SIAH3: variants seen among roughly 807,000 people sequenced by gnomAD.
SIAH3 encodes seven in absentia homolog 3.
Under a neutral mutation model 12.6 loss-of-function variants are expected in SIAH3, and 9 were observed. The observed-to-expected ratio is 0.72, with a 90% CI of 0.43 to 1.25. The LOEUF is 1.25. Ranked by LOEUF, SIAH3 falls within the 50% of genes most tolerant of loss-of-function variation. The pLI is 0.00. For synonymous variants in SIAH3, 154 were observed against 151.1 expected, an observed-to-expected ratio of 1.02 and a Z score of -0.14; for missense variants, 390 against 365.4, an observed-to-expected ratio of 1.07 and a Z score of -0.55.
At chr13:45,808,044 A>G (rs1950603798) in intron 1 of SIAH3, among the ~76,000 whole-genome samples, 1 of 152,228 alleles carries the variant, frequency 6.6e-6, no homozygotes, top group African/African-American at 2.4e-5. Context: ...TATGGTAGAA[A>G]TACTAAAAAC....
At chr13:45,821,084 C>T (rs1483772647) in intron 1 of SIAH3, among the ~76,000 whole-genome samples, 1 of 152,162 alleles carries the variant, frequency 6.6e-6, no homozygotes, top group African/African-American at 2.4e-5. Flanking sequence ...CAGACGTGAC[C>T]TTATTTGAAG....
chr13:45,829,630 A>G (rs1950691336), intron 1 of SIAH3, among the ~76,000 whole-genome samples: 1 of 152,136 alleles, frequency 6.6e-6, no homozygotes, highest in South Asian at 2.1e-4. Flanking sequence ...AACACTTGCT[A>G]CATCATGGAA....
chr13:45,796,361 T>C (rs1171410865), intron 1 of SIAH3, among the ~76,000 whole-genome samples: 1 of 151,982 alleles, frequency 6.6e-6, no homozygotes, highest in Non-Finnish European at 1.5e-5. Flanking sequence ...TCAAGAACCC[T>C]AGGGGGTCTT....
Position 45,798,108 on chromosome 13 carries a change from C to T in SIAH3, c.136-14051G>A, listed in dbSNP as rs1348310716. On this transcript the variant is annotated intron_variant, in intron 1 of 1. Transcript: ENST00000400405. ...TCTTTCTTTTAACAGTATTTAAATT[C>T]ATTTGTTAAGGGAGAGCTTCGCTTT... 2.0e-5 allele frequency among the ~76,000 whole-genome samples: 3 copies of T among 152,152 alleles called. No individual in the cohort carries two copies. In the East Asian group the frequency reaches 5.8e-4, roughly 29 times the overall value.
intron 1 of SIAH3, among the ~76,000 whole-genome samples, chr13:45,804,368 T>C (rs1457701422): frequency 1.3e-5 from 2 of 152,106 alleles, no homozygotes; most frequent in Admixed American, 1.3e-4. Context: ...CTGTCCAGAA[T>C]AGGCAAATGC....
intron 1 of SIAH3, among the ~76,000 whole-genome samples, chr13:45,839,102 C>T (rs536858913): frequency 2.6e-5 from 4 of 151,978 alleles, no homozygotes; most frequent in South Asian, 2.1e-4. Context: ...AGAGTATGGC[C>T]GCTAATGAGA....
intron 1 of SIAH3, among the ~76,000 whole-genome samples, chr13:45,784,934 C>T (rs562906612): frequency 6.6e-6 from 1 of 152,314 alleles, no homozygotes; most frequent in East Asian, 1.9e-4. Context: ...GATACTGTGT[C>T]TTTTGGTGTG....
intron 1 of SIAH3, among the ~76,000 whole-genome samples, chr13:45,828,964 CA>C (rs1371446494): frequency 6.6e-6 from 1 of 151,560 alleles, no homozygotes; most frequent in African/African-American, 2.4e-5. Context: ...AGAAAAACTG[CA>C]TTTAAAAAAA....
rs573414739 is a variant in SIAH3 at position 45,802,945 on chromosome 13, G to A, written c.136-18888C>T. Among the ~76,000 whole-genome samples, 32 of 152,232 alleles carry A rather than the reference G, an allele frequency of 2.1e-4. 1 individual carries two copies. Among genetic ancestry groups the A allele is most frequent in the Admixed American group, 5.2e-4 (8 of 15,294 alleles). On this transcript the variant is annotated intron_variant, in intron 1 of 1. Transcript: ENST00000400405. ...AAATTAGCTGGGCGTGGTGGCGGCC[G>A]CCTATAATCCCAGCTACTCAAGAGG...
At chr13:45,810,838 T>C (rs1387738398) in intron 1 of SIAH3, among the ~76,000 whole-genome samples, 1 of 152,020 alleles carries the variant, frequency 6.6e-6, no homozygotes, top group African/African-American at 2.4e-5. Context: ...TGAGAAAGAG[T>C]GTCTGCATGC....
chr13:45,844,714 A>G lies in SIAH3; in HGVS notation c.135+6781T>C, dbSNP rs548131001. ...ACTAATACATATTTGGTACTGAGGA[A>G]GCCGAATATCATTCATTCTTATGCA... is the stretch of plus-strand genomic sequence containing the variant. On this transcript the variant is annotated intron_variant, in intron 1 of 1. Transcript: ENST00000400405. 2.0e-5 allele frequency among the ~76,000 whole-genome samples: 3 copies of G among 152,352 alleles called. No individual in the cohort carries two copies. In the South Asian group the frequency reaches 6.2e-4, roughly 32 times the overall value.
At chr13:45,834,541 G>A (rs1339178677) in intron 1 of SIAH3, among the ~76,000 whole-genome samples, 2 of 152,192 alleles carry the variant, frequency 1.3e-5, no homozygotes, top group African/African-American at 4.8e-5. Flanking sequence ...GGGTTCCAGG[G>A]CAGTTCTCCC....
At chr13:45,803,697 T>A (rs1208972002) in intron 1 of SIAH3, among the ~76,000 whole-genome samples, 2 of 152,022 alleles carry the variant, frequency 1.3e-5, no homozygotes, top group Non-Finnish European at 2.9e-5. Flanking sequence ...TGGGTGAGAA[T>A]GATGAGAAAT....
chr13:45,803,747 C>T (rs1445216858), intron 1 of SIAH3, among the ~76,000 whole-genome samples: 2 of 152,060 alleles, frequency 1.3e-5, no homozygotes, highest in Non-Finnish European at 2.9e-5. Context: ...CTATGCTATA[C>T]ATAGCATAGA....
intron 1 of SIAH3, among the ~76,000 whole-genome samples, chr13:45,802,831 G>A (rs1950586658): frequency 6.6e-6 from 1 of 152,064 alleles, no homozygotes; most frequent in Non-Finnish European, 1.5e-5. Context: ...CAGTACTTTG[G>A]GAGGCCAAGG....
intron 1 of SIAH3, among the ~76,000 whole-genome samples, chr13:45,840,675 A>G (rs1330255480): frequency 1.3e-5 from 2 of 152,148 alleles, no homozygotes. Flanking sequence ...CCCGAGCCGG[A>G]GCATCTTTGT....
chr13:45,815,365 C>T (rs544427097), intron 1 of SIAH3, among the ~76,000 whole-genome samples: 4 of 152,098 alleles, frequency 2.6e-5, no homozygotes, highest in African/African-American at 9.6e-5. Context: ...CAGACTGAGG[C>T]CTCCTGAGGA....
intron 1 of SIAH3, among the ~76,000 whole-genome samples, chr13:45,825,893 C>T (rs941992527): frequency 6.6e-6 from 1 of 152,130 alleles, no homozygotes; most frequent in Admixed American, 6.5e-5. Context: ...TCCAAAGGCT[C>T]CCTCCCCTGA....
chr13:45,842,447 G>A (rs566371384), intron 1 of SIAH3, among the ~76,000 whole-genome samples: 1 of 152,200 alleles, frequency 6.6e-6, no homozygotes, highest in African/African-American at 2.4e-5. Flanking sequence ...GGGCTCAAGC[G>A]ATCATCCCAC....
Sources: allele counts gnomAD v4.1 joint callset (sites outside exome capture counted in the v4.1 genomes callset), GRCh38; gene constraint gnomAD v4.1.1; transcripts MANE v1.5; gene names NCBI Gene and HGNC (gene_info 2026-07-23, HGNC 2026-07-21).